SDCCAG8: variants seen among roughly 807,000 people sequenced by gnomAD.
SDCCAG8 encodes the protein serologically defined colon cancer antigen 8.
Under a neutral mutation model 101.8 loss-of-function variants are expected in SDCCAG8, and 74 were observed. The observed-to-expected ratio is 0.73, with a 90% CI of 0.60 to 0.88. The LOEUF is 0.88. Ranked by LOEUF, SDCCAG8 falls within the 40% of genes least tolerant of loss-of-function variation. The pLI is 0.00. For missense variants in SDCCAG8, 787 were observed against 822.6 expected (o/e 0.96, Z 0.53); for synonymous variants, 281 against 292.9 (o/e 0.96, Z 0.41).
At chr1:243,433,364 A>G (rs947576044) in intron 16 of SDCCAG8, among the ~76,000 whole-genome samples, 1 of 151,744 alleles carries the variant, frequency 6.6e-6, no homozygotes, top group African/African-American at 2.4e-5. Context: ...AAGAAAAAAA[A>G]AAAAAAAAAA....
chr1:243,273,110 G>A (rs1319589500), intron 3 of SDCCAG8, among the ~76,000 whole-genome samples: 2 of 152,152 alleles, frequency 1.3e-5, no homozygotes, highest in African/African-American at 4.8e-5. Context: ...ATAATTGTTT[G>A]ATTTCTACTC....
chr1:243,463,374 A>G (rs1478763873), intron 16 of SDCCAG8, among the ~76,000 whole-genome samples: 1 of 152,152 alleles, frequency 6.6e-6, no homozygotes, highest in East Asian at 1.9e-4. Context: ...ATTTTTTTGG[A>G]TTGCACACTT....
intron 13 of SDCCAG8, among the ~76,000 whole-genome samples, chr1:243,384,147 T>G (rs2078128753): frequency 1.3e-5 from 2 of 152,246 alleles, no homozygotes; most frequent in South Asian, 2.1e-4. Flanking sequence ...AAGTTTTTTG[T>G]GTACTTGCTA....
intron 12 of SDCCAG8, 67 bp from the exon 13 acceptor site, chr1:243,378,654 T>G: frequency 2.6e-6 from 4 of 1,526,792 alleles, no homozygotes; most frequent in Non-Finnish European, 3.6e-6. Flanking sequence ...AAAATAAAAA[T>G]GAGCTAATTT....
At chr1:243,428,472 G>A (rs1046827568) in intron 16 of SDCCAG8, among the ~76,000 whole-genome samples, 1 of 152,068 alleles carries the variant, frequency 6.6e-6, no homozygotes, top group Non-Finnish European at 1.5e-5. Context: ...AACTGTTTGG[G>A]CCCATTTATA....
At chr1:243,491,512 A>T (rs1198735776) in intron 17 of SDCCAG8, among the ~76,000 whole-genome samples, 1 of 152,234 alleles carries the variant, frequency 6.6e-6, no homozygotes, top group African/African-American at 2.4e-5. Flanking sequence ...TAGTGGTCAG[A>T]GAGGAGGCAG....
intron 6 of SDCCAG8, among the ~76,000 whole-genome samples, chr1:243,299,686 T>A (rs1161372773): frequency 6.6e-6 from 1 of 152,178 alleles, no homozygotes; most frequent in Non-Finnish European, 1.5e-5. Context: ...AGTGCTGGGA[T>A]TACAGGCATG....
chr1:243,483,372 A>G (rs888230054), intron 16 of SDCCAG8, among the ~76,000 whole-genome samples: 8 of 152,008 alleles, frequency 5.3e-5, no homozygotes, highest in Admixed American at 6.5e-5. Context: ...GGGATCCTGG[A>G]GGCTGCTGAG....
In SDCCAG8 at chr1:243,343,589, A is replaced by G. The variant is rs181138371; in HGVS notation, c.1357-626A>G. Among the ~76,000 whole-genome samples, 146 of 152,350 alleles carry G rather than the reference A, an allele frequency of 9.6e-4. 2 individuals carry two copies. Among genetic ancestry groups the G allele is most frequent in the Middle Eastern group, 6.8e-3 (2 of 294 alleles). On this transcript the variant is annotated intron_variant, in intron 11 of 17. Coordinates refer to ENST00000366541, the MANE Select transcript of SDCCAG8 (RefSeq NM_006642.5). ...TCCTTTTATATTGAATGTTACAGTCATAAGTGCATAGTGTGCTTAGTTCCA... is the reference window on the plus strand; with the variant it reads ...TCCTTTTATATTGAATGTTACAGTCGTAAGTGCATAGTGTGCTTAGTTCCA...
At chr1:243,462,484 C>G (rs539620719) in intron 16 of SDCCAG8, among the ~76,000 whole-genome samples, 1 of 152,340 alleles carries the variant, frequency 6.6e-6, no homozygotes, top group East Asian at 1.9e-4. Flanking sequence ...ATCCTTTTCA[C>G]AAATGTCATC....
intron 6 of SDCCAG8, among the ~76,000 whole-genome samples, chr1:243,303,195 T>TAGAAGAATCAGTGCCAGG (rs1263691675): frequency 2.0e-5 from 3 of 152,124 alleles, no homozygotes; most frequent in African/African-American, 7.2e-5. Context: ...GAAGAAGACA[T>TAGAAGAATCAGTGCCAGG]AGAAGAATCA....
chr1:243,381,903 G>A (rs2077981112), intron 13 of SDCCAG8, among the ~76,000 whole-genome samples: 1 of 152,234 alleles, frequency 6.6e-6, no homozygotes, highest in African/African-American at 2.4e-5. Context: ...GAAGGCGATA[G>A]TCAAAGAAAG....
intron 16 of SDCCAG8, among the ~76,000 whole-genome samples, chr1:243,446,710 G>A (rs769308522): frequency 6.6e-6 from 1 of 152,072 alleles, no homozygotes; most frequent in Non-Finnish European, 1.5e-5. Flanking sequence ...TATATACTGA[G>A]CAAACCATCC....
At chr1:243,475,089 A>G (rs1309505751) in intron 16 of SDCCAG8, among the ~76,000 whole-genome samples, 5 of 152,080 alleles carry the variant, frequency 3.3e-5, no homozygotes. Flanking sequence ...GGCCGCCCCC[A>G]GACACGCACA....
intron 4 of SDCCAG8, among the ~76,000 whole-genome samples, chr1:243,278,511 G>A (rs937631246): frequency 6.6e-6 from 1 of 152,134 alleles, no homozygotes; most frequent in Non-Finnish European, 1.5e-5. Flanking sequence ...GAGCCACTGT[G>A]CCCAGCCACC....
intron 9 of SDCCAG8, 23 bp downstream of exon 9, chr1:243,316,916 A>C: frequency 6.2e-7 from 1 of 1,611,348 alleles, no homozygotes; most frequent in Non-Finnish European, 8.5e-7. Context: ...AGATGCAAAT[A>C]AAAGTGTCTT....
chr1:243,305,039 G>T, intron 7 of SDCCAG8: 4 of 399,668 alleles, frequency 1.0e-5, no homozygotes, highest in Non-Finnish European at 1.8e-5. Flanking sequence ...GGGCGCGGTG[G>T]CTCACGCCTG....
intron 13 of SDCCAG8, among the ~76,000 whole-genome samples, chr1:243,386,161 A>G (rs2078273702): frequency 6.6e-6 from 1 of 152,002 alleles, no homozygotes; most frequent in South Asian, 2.1e-4. Context: ...TAAGGTACAG[A>G]CTCCTATTTT....
chr1:243,412,425 G>A (rs1376252490), intron 13 of SDCCAG8, among the ~76,000 whole-genome samples: 1 of 152,102 alleles, frequency 6.6e-6, no homozygotes, highest in African/African-American at 2.4e-5. Context: ...ATGTTTTAAG[G>A]AAGTTTATGA....
Sources: allele counts gnomAD v4.1 joint callset (sites outside exome capture counted in the v4.1 genomes callset), GRCh38; gene constraint gnomAD v4.1.1; transcripts MANE v1.5; gene names NCBI Gene and HGNC (gene_info 2026-07-23, HGNC 2026-07-21).